Variants in RPS6KC1 observed in about 807,000 individuals in gnomAD.
RPS6KC1 encodes the protein inactive ribosomal protein S6 kinase delta-1.
RPS6KC1 carries 54 observed loss-of-function variants against 103.8 expected under a neutral mutation model. That is an observed-to-expected ratio of 0.52 (90% CI 0.42 to 0.65). The LOEUF (loss-of-function observed/expected upper bound fraction) is 0.65. Ranked by LOEUF, RPS6KC1 falls within the 30% of genes least tolerant of loss-of-function variation. RPS6KC1 has a pLI of 0.00. For synonymous variants in RPS6KC1, 439 were observed against 438.7 expected (o/e 1.00, Z -0.01); for missense variants, 1,151 against 1,253.8 (o/e 0.92, Z 1.24).
chr1:213,449,791 T>C, the RPS6KC1 span, among the ~76,000 whole-genome samples: 3 of 152,228 alleles, frequency 2.0e-5, no homozygotes, highest in African/African-American at 7.2e-5. Context: ...ACAGCCTTCA[T>C]AGCTGTGTTC....
chr1:213,258,735 T>A (rs1194828807), intron 12 of RPS6KC1, among the ~76,000 whole-genome samples: 4 of 152,238 alleles, frequency 2.6e-5, no homozygotes, highest in Non-Finnish European at 4.4e-5. Flanking sequence ...TACAAAAGGT[T>A]ATATTTTATG....
the RPS6KC1 span, among the ~76,000 whole-genome samples, chr1:213,844,936 G>A: frequency 1.3e-5 from 2 of 152,022 alleles, no homozygotes; most frequent in Non-Finnish European, 2.9e-5. Context: ...TAAAGCCTTT[G>A]AGAACCCCCC....
the RPS6KC1 span, among the ~76,000 whole-genome samples, chr1:213,765,128 A>C: frequency 6.6e-6 from 1 of 152,170 alleles, no homozygotes; most frequent in South Asian, 2.1e-4. Flanking sequence ...GAGATGGTGG[A>C]TCCCAACCCT....
At position 213,113,390 on chromosome 1, in the gene RPS6KC1, G is replaced by A. The variant is rs1432843993; in HGVS notation, c.379-3927G>A. On this transcript the variant is annotated intron_variant, in intron 4 of 14. Transcript: ENST00000366960. ...TGAGAAGTGTCTGTTCTTGTCCTTC[G>A]CCCACTTTTTGATGGGGTTGTTTTT... Among the ~76,000 whole-genome samples, 9 of 152,128 alleles carry A rather than the reference G, an allele frequency of 5.9e-5. No individual in the cohort carries two copies. The East Asian group carries it at 7.7e-4, about 13-fold the overall frequency.
At chr1:213,725,241 T>C in the RPS6KC1 span, among the ~76,000 whole-genome samples, 1 of 152,226 alleles carries the variant, frequency 6.6e-6, no homozygotes, top group Non-Finnish European at 1.5e-5. Context: ...TCCACGGTGG[T>C]GAGGAAAACA....
chr1:213,597,862 G>C, the RPS6KC1 span, among the ~76,000 whole-genome samples: 1 of 152,186 alleles, frequency 6.6e-6, no homozygotes, highest in Non-Finnish European at 1.5e-5. Flanking sequence ...GGCAGAGCAG[G>C]ACTAGGGTCA....
chr1:213,540,857 TCAA>T, the RPS6KC1 span, among the ~76,000 whole-genome samples: 1 of 152,170 alleles, frequency 6.6e-6, no homozygotes, highest in African/African-American at 2.4e-5. Context: ...TTTTGTCATT[TCAA>T]CAACATTCCT....
chr1:213,589,074 G>A, the RPS6KC1 span, among the ~76,000 whole-genome samples: 2 of 152,088 alleles, frequency 1.3e-5, no homozygotes, highest in Non-Finnish European at 2.9e-5. Flanking sequence ...TAGTGCTCTG[G>A]ACCCCCTCCC....
chr1:213,376,203 GTA>G, the RPS6KC1 span, among the ~76,000 whole-genome samples: 40 of 151,990 alleles, frequency 2.6e-4, no homozygotes, highest in Admixed American at 1.9e-3. Context: ...ATCTAGTACT[GTA>G]TATGTTTTCC....
At chr1:213,473,646 C>A in the RPS6KC1 span, among the ~76,000 whole-genome samples, 1 of 152,128 alleles carries the variant, frequency 6.6e-6, no homozygotes, top group Non-Finnish European at 1.5e-5. Context: ...GGACAAATAG[C>A]CCTAAAACAT....
chr1:213,847,600 G>A, the RPS6KC1 span, among the ~76,000 whole-genome samples: 10 of 152,296 alleles, frequency 6.6e-5, no homozygotes, highest in South Asian at 2.1e-3. Context: ...CATAGGACAG[G>A]TGAGGCTGAA....
At chr1:213,627,344 G>A in the RPS6KC1 span, among the ~76,000 whole-genome samples, 1 of 152,158 alleles carries the variant, frequency 6.6e-6, no homozygotes, top group Non-Finnish European at 1.5e-5. Context: ...GGGTTTTCTA[G>A]ATATACAATC....
At chr1:213,096,885 A>G (rs992175663) in intron 3 of RPS6KC1, among the ~76,000 whole-genome samples, 3 of 152,198 alleles carry the variant, frequency 2.0e-5, no homozygotes, top group Non-Finnish European at 4.4e-5. Context: ...GCTTATATAT[A>G]TTATATACAC....
chr1:213,092,575 G>A (rs750040453), intron 3 of RPS6KC1, among the ~76,000 whole-genome samples: 2 of 152,026 alleles, frequency 1.3e-5, no homozygotes, highest in Non-Finnish European at 2.9e-5. Flanking sequence ...AGGGGGCTGA[G>A]GCAGGGGAAT....
At chr1:213,397,641 A>G in the RPS6KC1 span, among the ~76,000 whole-genome samples, 1 of 151,362 alleles carries the variant, frequency 6.6e-6, no homozygotes, top group African/African-American at 2.4e-5. Context: ...ACTTTGAGTT[A>G]GGGCAATCAG....
At chr1:213,835,095 C>T in the RPS6KC1 span, among the ~76,000 whole-genome samples, 8 of 151,994 alleles carry the variant, frequency 5.3e-5, no homozygotes, top group African/African-American at 1.7e-4. Flanking sequence ...CTCTCAAAAT[C>T]GAAATTAAAT....
At chr1:213,106,951 T>A (rs2082558117) in intron 4 of RPS6KC1, among the ~76,000 whole-genome samples, 1 of 152,166 alleles carries the variant, frequency 6.6e-6, no homozygotes, top group East Asian at 1.9e-4. Flanking sequence ...TTATTCTTTT[T>A]TTTTTCTGAG....
At chr1:213,527,930 A>G in the RPS6KC1 span, among the ~76,000 whole-genome samples, 3 of 152,214 alleles carry the variant, frequency 2.0e-5, no homozygotes, top group Non-Finnish European at 2.9e-5. Context: ...TAAGAAAACC[A>G]TAAGGAAAAA....
chr1:213,402,958 CAAAAAAAAA>C, the RPS6KC1 span, among the ~76,000 whole-genome samples: 1 of 111,518 alleles, frequency 9.0e-6, no homozygotes, highest in Non-Finnish European at 1.8e-5. Context: ...ACTAAAAATA[CAAAAAAAAA>C]AAAAAAAAAA....
Sources: allele counts gnomAD v4.1 joint callset (sites outside exome capture counted in the v4.1 genomes callset), GRCh38; gene constraint gnomAD v4.1.1; transcripts MANE v1.5; gene names NCBI Gene and HGNC (gene_info 2026-07-23, HGNC 2026-07-21).